The following EYS variants were observed in gnomAD, a reference collection of about 807,000 sequenced individuals.
The protein encoded by EYS is EGF-like photoreceptor maintenance factor.
Under a neutral mutation model 282.1 loss-of-function variants are expected in EYS, and 250 were observed. The ratio of observed to expected loss-of-function variants is 0.89; its 90% CI spans 0.80 to 0.98. The LOEUF (loss-of-function observed/expected upper bound fraction) is 0.98, where lower values mean the gene tolerates loss of function less well. Among genes scored for constraint, EYS ranks in the 50% least tolerant of loss-of-function variants. The probability of loss-of-function intolerance (pLI) is 0.00; values close to 1 mark genes in which losing one functional copy is unlikely to be tolerated. For synonymous variants in EYS, 1,355 were observed against 1,282.9 expected (o/e 1.06, Z -1.20); for missense variants, 4,016 against 3,709.0 (o/e 1.08, Z -2.15).
intron 32 of EYS, among the ~76,000 whole-genome samples, chr6:64,073,589 T>G: frequency 6.6e-6 from 1 of 151,830 alleles, no homozygotes; most frequent in East Asian, 1.9e-4. Flanking sequence ...AGAAAGAAAC[T>G]TGAATTTTCA....
At chr6:64,104,342 T>C (rs1179566023) in intron 31 of EYS, among the ~76,000 whole-genome samples, 1 of 151,974 alleles carries the variant, frequency 6.6e-6, no homozygotes, top group Non-Finnish European at 1.5e-5. Flanking sequence ...GATTAGCTGG[T>C]AGTAGGAAGG....
At chr6:65,400,428 T>C (rs1766448974) in intron 7 of EYS, among the ~76,000 whole-genome samples, 1 of 151,930 alleles carries the variant, frequency 6.6e-6, no homozygotes, top group Non-Finnish European at 1.5e-5. Flanking sequence ...TTTCCTTTCC[T>C]ATCAGACTCT....
intron 35 of EYS, among the ~76,000 whole-genome samples, chr6:63,877,584 C>T (rs1489976036): frequency 6.6e-6 from 1 of 152,100 alleles, no homozygotes; most frequent in African/African-American, 2.4e-5. Context: ...TGGTTCCATT[C>T]TTCCCAACAC....
At chr6:63,990,892 C>A (rs922129934) in intron 34 of EYS, among the ~76,000 whole-genome samples, 12 of 151,660 alleles carry the variant, frequency 7.9e-5, no homozygotes, top group African/African-American at 2.9e-4. Flanking sequence ...GCTTCATGGC[C>A]TCTCCCTCAG....
At chr6:64,402,241 A>T (rs1246579490) in intron 28 of EYS, among the ~76,000 whole-genome samples, 1 of 152,092 alleles carries the variant, frequency 6.6e-6, no homozygotes, top group Non-Finnish European at 1.5e-5. Context: ...TTTGCATTCA[A>T]TTACATATTG....
At chr6:64,109,832 C>A (rs1773148810) in intron 31 of EYS, among the ~76,000 whole-genome samples, 1 of 152,014 alleles carries the variant, frequency 6.6e-6, no homozygotes, top group South Asian at 2.1e-4. Context: ...GCCTAAGAAC[C>A]ATGAGTACAA....
chr6:63,763,818 C>A (rs1028765875), intron 40 of EYS, among the ~76,000 whole-genome samples: 1 of 148,504 alleles, frequency 6.7e-6, no homozygotes, highest in Non-Finnish European at 1.5e-5. Flanking sequence ...ATGTCCCATG[C>A]AATATATGAA....
chr6:65,391,075 T>C lies in EYS; in HGVS notation c.1185-6575A>G, dbSNP rs188289136. Among the ~76,000 whole-genome samples, 153 of 152,142 alleles carry C rather than the reference T, an allele frequency of 1.0e-3. 2 individuals carry two copies. The highest frequency in any genetic ancestry group is 3.5e-3 in the African/African-American group (144 of 41,506). On this transcript the variant is annotated intron_variant, in intron 7 of 42. Transcript: ENST00000503581. The stretch of plus-strand genomic sequence containing the variant: ...AGGAAGACTTAAAGATTTCATGATG[T>C]TAATTCAAATTTTATCTGCACATGT...
chr6:63,755,998 T>G (rs370678729), intron 41 of EYS, among the ~76,000 whole-genome samples: 21 of 152,290 alleles, frequency 1.4e-4, no homozygotes, highest in Non-Finnish European at 2.5e-4. Context: ...AGACTTTGCT[T>G]AAGTTGCTTA....
intron 5 of EYS, among the ~76,000 whole-genome samples, chr6:65,484,301 C>A (rs958212156): frequency 9.2e-5 from 14 of 152,106 alleles, no homozygotes; most frequent in African/African-American, 2.7e-4. Flanking sequence ...GATGTTTTAA[C>A]CAAGTACTAT....
At position 65,480,430 on chromosome 6, in the gene EYS, C is replaced by T. The variant is rs149184122; in HGVS notation, c.862+10164G>A. Among the ~76,000 whole-genome samples the T allele has an allele frequency of 5.9e-5, 9 of 152,000 alleles. 1 individual carries two copies. The highest frequency in any genetic ancestry group is 2.2e-4 in the African/African-American group (9 of 41,478). On this transcript the variant is annotated intron_variant, in intron 5 of 42. Transcript: ENST00000503581. ...TTTCATTGACATTTTCATGAATAAA[C>T]CAGAGAAGCAACATATTATATTGAT...
chr6:63,937,635 C>A (rs1399906202), intron 35 of EYS, among the ~76,000 whole-genome samples: 1 of 151,838 alleles, frequency 6.6e-6, no homozygotes, highest in African/African-American at 2.4e-5. Flanking sequence ...CTCGCCTCGG[C>A]CTCCCAAAGG....
chr6:64,774,521 C>T (rs192216649), intron 22 of EYS, among the ~76,000 whole-genome samples: 4 of 152,010 alleles, frequency 2.6e-5, no homozygotes, highest in African/African-American at 9.6e-5. Flanking sequence ...TACCTCCATA[C>T]ACCAGTTTCT....
chr6:64,528,155 T>C (rs1011576638), intron 26 of EYS, among the ~76,000 whole-genome samples: 1 of 151,904 alleles, frequency 6.6e-6, no homozygotes, highest in African/African-American at 2.4e-5. Flanking sequence ...TTTCCAAAGT[T>C]TGAAAATTGA....
intron 12 of EYS, among the ~76,000 whole-genome samples, chr6:65,129,807 A>G (rs1193573470): frequency 6.6e-6 from 1 of 151,916 alleles, no homozygotes; most frequent in Admixed American, 6.6e-5. Context: ...CCAATACTGG[A>G]TATACACTCA....
At chr6:63,936,929 G>C (rs1765075810) in intron 35 of EYS, among the ~76,000 whole-genome samples, 1 of 152,140 alleles carries the variant, frequency 6.6e-6, no homozygotes. Context: ...TTAAATGAAG[G>C]CTAGCCGTGG....
intron 22 of EYS, among the ~76,000 whole-genome samples, chr6:64,807,834 T>C (rs74655382): frequency 0.025 from 3,783 of 152,216 alleles, 154 homozygotes; most frequent in African/African-American, 0.085. Flanking sequence ...CTTGAAATAG[T>C]TAACTTTTAT....
At chr6:64,868,703 G>A (rs1042271752) in intron 19 of EYS, among the ~76,000 whole-genome samples, 2 of 151,490 alleles carry the variant, frequency 1.3e-5, no homozygotes, top group African/African-American at 4.8e-5. Flanking sequence ...AAAGATGGGG[G>A]AGAATACTAT....
intron 1 of EYS, among the ~76,000 whole-genome samples, chr6:65,650,718 G>A (rs1022371116): frequency 1.4e-4 from 22 of 152,274 alleles, no homozygotes; most frequent in Admixed American, 5.2e-4. Flanking sequence ...AACATTCACA[G>A]CAGTCCAGAC....
Sources: allele counts gnomAD v4.1 joint callset (sites outside exome capture counted in the v4.1 genomes callset), GRCh38; gene constraint gnomAD v4.1.1; transcripts MANE v1.5; gene names NCBI Gene and HGNC (gene_info 2026-07-23, HGNC 2026-07-21).